CNTNAP2: variants seen among roughly 807,000 people sequenced by gnomAD.
CNTNAP2 encodes the protein contactin-associated protein-like 2.
In CNTNAP2, 98 loss-of-function variants were observed where a neutral mutation model predicts 155.2. That is an observed-to-expected ratio of 0.63 (90% CI 0.54 to 0.75). The LOEUF (loss-of-function observed/expected upper bound fraction) is 0.75. Ranked by LOEUF, CNTNAP2 falls within the 30% of genes least tolerant of loss-of-function variation. The pLI is 0.00. For synonymous variants in CNTNAP2, 651 were observed against 631.2 expected (o/e 1.03, Z -0.47); for missense variants, 1,727 against 1,688.1 (o/e 1.02, Z -0.40).
At chr7:146,237,548 G>C (rs537571503) in intron 1 of CNTNAP2, among the ~76,000 whole-genome samples, 1 of 152,282 alleles carries the variant, frequency 6.6e-6, no homozygotes, top group Non-Finnish European at 1.5e-5. Context: ...GAGAAAAGGA[G>C]TAATTATTTT....
At chr7:147,566,266 AGCCT>A (rs1047939768) in intron 12 of CNTNAP2, among the ~76,000 whole-genome samples, 1 of 145,424 alleles carries the variant, frequency 6.9e-6, no homozygotes, top group Non-Finnish European at 1.5e-5. Context: ...ACTGAATTCC[AGCCT>A]GAGTGCCAGA....
chr7:146,551,423 A>G (rs965385340), intron 1 of CNTNAP2, among the ~76,000 whole-genome samples: 3 of 151,972 alleles, frequency 2.0e-5, no homozygotes, highest in Non-Finnish European at 4.4e-5. Flanking sequence ...TTTGCTGAGA[A>G]TGATGGTTTC....
At chr7:147,361,687 A>C (rs1233004118) in intron 9 of CNTNAP2, among the ~76,000 whole-genome samples, 1 of 152,180 alleles carries the variant, frequency 6.6e-6, no homozygotes, top group Non-Finnish European at 1.5e-5. Flanking sequence ...CTTGATTATA[A>C]ATTTGAAAGT....
intron 15 of CNTNAP2, among the ~76,000 whole-genome samples, chr7:147,994,230 G>A (rs1354435225): frequency 1.3e-5 from 2 of 152,054 alleles, no homozygotes. Flanking sequence ...TAATTAACCA[G>A]GTTTGGTGGC....
intron 12 of CNTNAP2, among the ~76,000 whole-genome samples, chr7:147,574,493 T>G (rs554322372): frequency 1.3e-4 from 20 of 152,250 alleles, no homozygotes; most frequent in African/African-American, 4.8e-4. Flanking sequence ...CTCAGTAGTG[T>G]CCTTGTTTGG....
chr7:147,330,369 G>C (rs1015024077), intron 9 of CNTNAP2, among the ~76,000 whole-genome samples: 2 of 151,942 alleles, frequency 1.3e-5, no homozygotes, highest in Non-Finnish European at 2.9e-5. Context: ...GAATGTGTCC[G>C]TTGTGATAAA....
intron 13 of CNTNAP2, among the ~76,000 whole-genome samples, chr7:147,691,331 G>A (rs1184959944): frequency 3.3e-5 from 5 of 152,024 alleles, no homozygotes; most frequent in African/African-American, 1.2e-4. Flanking sequence ...AAAGCAGTAA[G>A]TCAAACCCTG....
chr7:146,839,679 C>A (rs1307731896), intron 2 of CNTNAP2, 32 bp from the exon 3 acceptor site: 3 of 1,610,984 alleles, frequency 1.9e-6, no homozygotes, highest in African/African-American at 1.3e-5. Context: ...TTTAAATATT[C>A]ATTTTCCCAT....
rs138465682 is a variant in CNTNAP2 at position 146,120,956 on chromosome 7, C to T, written c.97+3983C>T. 5.1e-3 allele frequency among the ~76,000 whole-genome samples: 778 copies of T among 151,948 alleles called. 5 individuals carry two copies. The highest frequency in any genetic ancestry group is 0.018 in the African/African-American group (737 of 41,432). ...AAGGATACATTTCTCAAAATATATC[C>T]TTATTGTTAGGAAATGCATGATGAT... On this transcript the variant is annotated intron_variant, in intron 1 of 23. Transcript: ENST00000361727.
At chr7:147,901,017 A>T (rs542359668) in intron 13 of CNTNAP2, among the ~76,000 whole-genome samples, 12 of 152,174 alleles carry the variant, frequency 7.9e-5, no homozygotes, top group Non-Finnish European at 1.6e-4. Context: ...CCTGTGCCCT[A>T]CCTTCATGGA....
intron 13 of CNTNAP2, among the ~76,000 whole-genome samples, chr7:147,728,849 C>A (rs1387838318): frequency 6.6e-6 from 1 of 151,700 alleles, no homozygotes; most frequent in Non-Finnish European, 1.5e-5. Flanking sequence ...CTATCCTAAT[C>A]AATTACTTAA....
chr7:147,185,720 T>G (rs1400251261), intron 8 of CNTNAP2, among the ~76,000 whole-genome samples: 1 of 152,178 alleles, frequency 6.6e-6, no homozygotes, highest in Non-Finnish European at 1.5e-5. Flanking sequence ...TGCAATGATG[T>G]GGTTTAGGTG....
At chr7:147,003,850 G>A (rs1379229984) in intron 3 of CNTNAP2, among the ~76,000 whole-genome samples, 2 of 151,822 alleles carry the variant, frequency 1.3e-5, no homozygotes, top group Admixed American at 6.6e-5. Flanking sequence ...CTAATATAGT[G>A]AGCCCCCATA....
At chr7:147,025,106 A>G (rs1378614578) in intron 3 of CNTNAP2, among the ~76,000 whole-genome samples, 1 of 150,936 alleles carries the variant, frequency 6.6e-6, no homozygotes, top group Non-Finnish European at 1.5e-5. Flanking sequence ...TTACATGGTG[A>G]AACCCCATCT....
At chr7:146,693,065 G>T (rs765432127) in intron 1 of CNTNAP2, among the ~76,000 whole-genome samples, 2 of 152,068 alleles carry the variant, frequency 1.3e-5, no homozygotes, top group Admixed American at 6.6e-5. Context: ...TAATCTTGAA[G>T]AAATCACTTG....
At chr7:146,730,416 G>A (rs928884290) in intron 1 of CNTNAP2, among the ~76,000 whole-genome samples, 1 of 152,032 alleles carries the variant, frequency 6.6e-6, no homozygotes, top group Admixed American at 6.5e-5. Flanking sequence ...TTATAACATT[G>A]TACACATCCA....
At chr7:147,854,646 A>G (rs1413191907) in intron 13 of CNTNAP2, among the ~76,000 whole-genome samples, 1 of 152,230 alleles carries the variant, frequency 6.6e-6, no homozygotes, top group Admixed American at 6.5e-5. Flanking sequence ...TCCTAGCCAC[A>G]TGTGACTGTT....
intron 1 of CNTNAP2, among the ~76,000 whole-genome samples, chr7:146,598,830 A>G (rs1288106522): frequency 6.6e-6 from 1 of 152,070 alleles, no homozygotes; most frequent in Non-Finnish European, 1.5e-5. Flanking sequence ...TTTACTCAGA[A>G]CTGTTTCCCA....
chr7:146,953,241 C>A (rs1237967660), intron 3 of CNTNAP2, among the ~76,000 whole-genome samples: 1 of 151,816 alleles, frequency 6.6e-6, no homozygotes, highest in African/African-American at 2.4e-5. Flanking sequence ...AAGTACCAGC[C>A]ACAAAGAACC....
Sources: allele counts gnomAD v4.1 joint callset (sites outside exome capture counted in the v4.1 genomes callset), GRCh38; gene constraint gnomAD v4.1.1; transcripts MANE v1.5; gene names NCBI Gene and HGNC (gene_info 2026-07-23, HGNC 2026-07-21).